COA1: variants seen among roughly 807,000 people sequenced by gnomAD.
COA1 encodes the protein cytochrome c oxidase assembly factor 1, also known as cytochrome c oxidase assembly factor 1 homolog.
A neutral mutation model predicts 16.0 loss-of-function variants in COA1; 13 were observed. The ratio of observed to expected loss-of-function variants is 0.81; its 90% CI spans 0.53 to 1.29. The LOEUF is 1.29. Ranked by LOEUF, COA1 falls within the 50% of genes most tolerant of loss-of-function variation. The pLI is 0.00. For synonymous variants in COA1, 65 were observed against 65.7 expected (o/e 0.99, Z 0.05); for missense variants, 179 against 177.0 (o/e 1.01, Z -0.06).
At chr7:43,672,497 C>CACA (rs1404190519) in intron 1 of COA1, among the ~76,000 whole-genome samples, 1 of 152,214 alleles carries the variant, frequency 6.6e-6, no homozygotes, top group African/African-American at 2.4e-5. Context: ...ACAGGCCAGG[C>CACA]ACAGTGGCTC....
intron 6 of COA1, chr7:43,623,461 C>A: frequency 1.2e-6 from 1 of 823,684 alleles, no homozygotes; most frequent in Non-Finnish European, 2.0e-6. Context: ...CATTTTAGCC[C>A]AAACGTTGGA....
intron 1 of COA1, among the ~76,000 whole-genome samples, chr7:43,668,202 G>C (rs1200239374): frequency 6.6e-6 from 1 of 152,190 alleles, no homozygotes; most frequent in Non-Finnish European, 1.5e-5. Flanking sequence ...CCTGTCGTCA[G>C]TAAAGAATGT....
chr7:43,627,312 GA>G (rs759278764), intron 6 of COA1, among the ~76,000 whole-genome samples: 2 of 152,136 alleles, frequency 1.3e-5, no homozygotes, highest in Non-Finnish European at 2.9e-5. Flanking sequence ...GCTCATTGTT[GA>G]ATCTCTTAAA....
intron 6 of COA1, chr7:43,632,021 CATTT>C (rs1169348848): frequency 6.6e-6 from 1 of 152,244 alleles, no homozygotes; most frequent in Non-Finnish European, 1.5e-5. Flanking sequence ...AAGTTTGCTG[CATTT>C]ATTAACTCTT....
intron 3 of COA1, chr7:43,646,624 C>A (rs1177093997): frequency 4.4e-6 from 2 of 456,686 alleles, no homozygotes; most frequent in Non-Finnish European, 8.8e-6. Flanking sequence ...GAACCCTGAC[C>A]CAAAAGTGCA....
intron 1 of COA1, among the ~76,000 whole-genome samples, chr7:43,661,717 T>C (rs2092453737): frequency 6.6e-6 from 1 of 151,754 alleles, no homozygotes; most frequent in African/African-American, 2.4e-5. Flanking sequence ...CTAACTTCAA[T>C]CACTCTTGGA....
chr7:43,660,680 C>CT (rs1171984327), intron 1 of COA1, among the ~76,000 whole-genome samples: 1 of 152,078 alleles, frequency 6.6e-6, no homozygotes, highest in Admixed American at 6.5e-5. Flanking sequence ...ATCAGGCCCC[C>CT]TCAAACCCAT....
intron 6 of COA1, chr7:43,622,941 A>T (rs1413676848): frequency 1.3e-5 from 2 of 152,384 alleles, no homozygotes; most frequent in East Asian, 3.8e-4. Flanking sequence ...GGTTCAAGCG[A>T]TCCTCCTGCC....
intron 6 of COA1, among the ~76,000 whole-genome samples, chr7:43,610,085 G>A (rs138304631): frequency 1.3e-5 from 2 of 152,318 alleles, no homozygotes; most frequent in East Asian, 1.9e-4. Context: ...GGTGGCTCAC[G>A]CCTGTAATCC....
chr7:43,637,669 C>T (rs1429337275), downstream of COA1, among the ~76,000 whole-genome samples: 2 of 152,196 alleles, frequency 1.3e-5, no homozygotes, highest in Non-Finnish European at 2.9e-5. Flanking sequence ...TGTTCAGAAT[C>T]ACCCATAAAG....
rs149331144 is a variant in COA1, at chr7:43,639,647, C to G, written c.376G>C (p.Asp126His). 3.1e-6 allele frequency: 5 copies of G among 1,614,092 alleles called. No homozygotes were observed. Among genetic ancestry groups the G allele is most frequent in the Non-Finnish European group, 4.2e-6 (5 of 1,179,960 alleles). ...TTGAACACAGGAATCTGCTGACCAT[C>G]CTTGAGCTCTAAAAAGACCTCGTCA... is the stretch of plus-strand genomic sequence containing the variant. ...HLDEVFLELK[D>H]GQQIPVFKLS... The change falls in exon 6 of 6, where the codon GAT (aspartate) becomes CAT (histidine). Residue 126 changes from aspartate to histidine, a missense_variant. Asp to His is a moderately conservative substitution (Grantham distance 81). Transcript: ENST00000223336.
intron 1 of COA1, among the ~76,000 whole-genome samples, chr7:43,698,367 A>G (rs1007593168): frequency 6.6e-5 from 10 of 152,232 alleles, no homozygotes; most frequent in African/African-American, 2.4e-4. Flanking sequence ...CTCAAATGTG[A>G]AAACTGATAC....
At chr7:43,623,733 C>A in intron 6 of COA1, 2 of 1,606,552 alleles carry the variant, frequency 1.2e-6, no homozygotes, top group South Asian at 2.3e-5. Context: ...TAACATATGT[C>A]ATGCTTACAG....
At chr7:43,619,349 A>T (rs1011265048) in intron 6 of COA1, among the ~76,000 whole-genome samples, 1 of 152,194 alleles carries the variant, frequency 6.6e-6, no homozygotes, top group Admixed American at 6.5e-5. Flanking sequence ...TCCATAAGGT[A>T]GGGATAGAAA....
At chr7:43,634,443 A>G (rs924061118), downstream of COA1, among the ~76,000 whole-genome samples, 3 of 152,208 alleles carry the variant, frequency 2.0e-5, no homozygotes, top group Non-Finnish European at 4.4e-5. Context: ...GCTTCCCGCT[A>G]GAACACGTGG....
At chr7:43,705,716 C>T (rs1237350586) in intron 1 of COA1, among the ~76,000 whole-genome samples, 1 of 152,232 alleles carries the variant, frequency 6.6e-6, no homozygotes, top group Non-Finnish European at 1.5e-5. Context: ...TCCATGCAGG[C>T]TAGAGTTCCA....
chr7:43,645,272 G>A lies in COA1; in HGVS notation c.243C>T (p.Phe81=), dbSNP rs760230084. Residue 81 remains phenylalanine, a synonymous_variant, in exon 4 of 6, where the codon TTC becomes TTT. Coordinates refer to ENST00000223336, the MANE Select transcript of COA1 (RefSeq NM_018224.4). The stretch of plus-strand genomic sequence containing the variant: ...TTACCTTGGCATCAACAATGTCCAC[G>A]AAGTTTTCCCTGTCGATGAGCTTGA... The part of the protein sequence containing the change: ...HYLKLIDREN[F]VDIVDAKLKI... 38 of 1,613,838 alleles carry A rather than the reference G, an allele frequency of 2.4e-5. No homozygotes were observed. The highest frequency in any genetic ancestry group is 1.6e-4 in the Middle Eastern group (1 of 6,080).
chr7:43,657,687 A>T (rs1584536988), intron 1 of COA1, among the ~76,000 whole-genome samples: 1 of 125,814 alleles, frequency 7.9e-6, no homozygotes, highest in South Asian at 2.6e-4. Flanking sequence ...TAAGTACTTT[A>T]AAAAAAAAAT....
intron 1 of COA1, among the ~76,000 whole-genome samples, chr7:43,720,912 G>C (rs2095494037): frequency 6.6e-6 from 1 of 152,140 alleles, no homozygotes; most frequent in Non-Finnish European, 1.5e-5. Context: ...CTCCATTAAG[G>C]CTTCACAATC....
Sources: gnomAD v4.1 joint callset for allele counts (sites outside exome capture counted in the v4.1 genomes callset) on GRCh38, gnomAD v4.1.1 for gene constraint, MANE v1.5 for transcripts, NCBI Gene and HGNC (gene_info 2026-07-23, HGNC 2026-07-21) for gene names.